FTO: variants seen among roughly 807,000 people sequenced by gnomAD.
The protein encoded by FTO is alpha-ketoglutarate-dependent dioxygenase FTO.
FTO carries 47 observed loss-of-function variants against 63.9 expected under a neutral mutation model. That is an observed-to-expected ratio of 0.74 (90% confidence interval 0.58 to 0.94). The LOEUF (loss-of-function observed/expected upper bound fraction) is 0.94. FTO is among the 40% of genes least tolerant of loss of function. The probability of loss-of-function intolerance (pLI) is 0.00; values close to 1 mark genes in which losing one functional copy is unlikely to be tolerated. For missense variants in FTO, 562 were observed against 618.1 expected (o/e 0.91, Z 0.96); for synonymous variants, 207 against 224.4 (o/e 0.92, Z 0.69).
At chr16:54,058,675 G>A (rs1427440413) in intron 8 of FTO, among the ~76,000 whole-genome samples, 1 of 152,154 alleles carries the variant, frequency 6.6e-6, no homozygotes, top group Non-Finnish European at 1.5e-5. Context: ...ACTGATTTAA[G>A]TGGGGAAAGG....
intron 8 of FTO, among the ~76,000 whole-genome samples, chr16:54,058,255 G>A (rs2085485062): frequency 6.6e-6 from 1 of 152,006 alleles, no homozygotes; most frequent in African/African-American, 2.4e-5. Flanking sequence ...GGGACTACTG[G>A]CACACACCAC....
At chr16:53,903,867 C>A (rs2081467623) in intron 7 of FTO, among the ~76,000 whole-genome samples, 3 of 151,772 alleles carry the variant, frequency 2.0e-5, no homozygotes, top group Admixed American at 6.6e-5. Context: ...TGGTCAAATG[C>A]CTTCCATAGA....
chr16:54,032,576 G>T (rs1383661064), intron 8 of FTO, among the ~76,000 whole-genome samples: 1 of 152,160 alleles, frequency 6.6e-6, no homozygotes, highest in Non-Finnish European at 1.5e-5. Context: ...AAAGGAAAAA[G>T]AATCCAAACA....
chr16:54,105,881 T>A (rs1343593866), intron 8 of FTO, among the ~76,000 whole-genome samples: 1 of 151,964 alleles, frequency 6.6e-6, no homozygotes, highest in Admixed American at 6.6e-5. Flanking sequence ...CTTTATCATT[T>A]CATCAAGAGT....
chr16:54,002,117 C>T (rs1220096859), intron 8 of FTO, among the ~76,000 whole-genome samples: 3 of 152,188 alleles, frequency 2.0e-5, no homozygotes, highest in African/African-American at 7.2e-5. Flanking sequence ...TGTTATAAAG[C>T]TAAATGCATG....
chr16:53,959,822 T>G (rs965975310), intron 8 of FTO, among the ~76,000 whole-genome samples: 3 of 151,942 alleles, frequency 2.0e-5, no homozygotes, highest in African/African-American at 4.8e-5. Flanking sequence ...GCAGGTAGGG[T>G]ACAAGCTGGG....
rs141918344 is a variant in FTO, at chr16:53,868,876, G to C, written c.896-4910G>C. Among the ~76,000 whole-genome samples the C allele has an allele frequency of 2.2e-3, 334 of 151,978 alleles. 2 individuals are homozygous for C. Among genetic ancestry groups the C allele is most frequent in the African/African-American group, 7.7e-3 (318 of 41,424 alleles). On this transcript the variant is annotated intron_variant, in intron 4 of 8. Coordinates refer to ENST00000471389, the MANE Select transcript of FTO (RefSeq NM_001080432.3). The stretch of plus-strand genomic sequence containing the variant: ...AGACAGAGTTTCACTCTGTCTCCCA[G>C]GCTGGAGTGCAGTGGCGTGATCTTG...
intron 8 of FTO, among the ~76,000 whole-genome samples, chr16:54,093,093 GGACA>G (rs1420542614): frequency 5.3e-5 from 1 of 18,808 alleles, no homozygotes; most frequent in African/African-American, 3.4e-4. Flanking sequence ...GTTCCTGGAG[GGACA>G]GGAACACTGT....
intron 8 of FTO, among the ~76,000 whole-genome samples, chr16:53,960,724 G>T (rs1181034549): frequency 6.6e-6 from 1 of 151,322 alleles, no homozygotes; most frequent in African/African-American, 2.5e-5. Flanking sequence ...GGGTGGGGGG[G>T]GCGCGGTTAC....
chr16:54,031,082 A>C (rs1306865317), intron 8 of FTO, among the ~76,000 whole-genome samples: 1 of 152,236 alleles, frequency 6.6e-6, no homozygotes, highest in African/African-American at 2.4e-5. Context: ...GAAAATTCTT[A>C]TATAACCAGT....
chr16:53,755,148 G>A (rs540230879), intron 1 of FTO, among the ~76,000 whole-genome samples: 9 of 152,326 alleles, frequency 5.9e-5, no homozygotes, highest in African/African-American at 9.6e-5. Flanking sequence ...ATGAAAGGCT[G>A]CCCCAACTGG....
chr16:53,881,252 CAT>C (rs1380361202), intron 6 of FTO, among the ~76,000 whole-genome samples: 1 of 152,166 alleles, frequency 6.6e-6, no homozygotes, highest in Non-Finnish European at 1.5e-5. Flanking sequence ...GGCTAGATAA[CAT>C]GTACATATTG....
At chr16:53,909,112 C>T (rs1402554592) in intron 7 of FTO, among the ~76,000 whole-genome samples, 1 of 152,128 alleles carries the variant, frequency 6.6e-6, no homozygotes, top group African/African-American at 2.4e-5. Flanking sequence ...CTAATTGTTC[C>T]ATCCTCTTCC....
chr16:53,707,531 AC>A (rs751530747), intron 1 of FTO, among the ~76,000 whole-genome samples: 2 of 152,116 alleles, frequency 1.3e-5, no homozygotes, highest in African/African-American at 4.8e-5. Context: ...AATGCACTGC[AC>A]CCTTTTACAT....
At chr16:54,063,782 T>G (rs2085650968) in intron 8 of FTO, 1 of 150,372 alleles carries the variant, frequency 6.7e-6, no homozygotes, top group Non-Finnish European at 1.5e-5. Flanking sequence ...ACAGGATGAG[T>G]CCTGTGTCTA....
intron 4 of FTO, among the ~76,000 whole-genome samples, chr16:53,853,466 C>A (rs573387059): frequency 6.6e-6 from 1 of 151,710 alleles, no homozygotes; most frequent in Non-Finnish European, 1.5e-5. Flanking sequence ...CATCCATCAC[C>A]CCCCTCCCAT....
At chr16:53,718,922 A>C (rs2151482359) in intron 1 of FTO, among the ~76,000 whole-genome samples, 1 of 152,328 alleles carries the variant, frequency 6.6e-6, no homozygotes, top group Non-Finnish European at 1.5e-5. Context: ...GTGGTACTCC[A>C]GGGGTTGAGG....
At chr16:53,984,011 G>A (rs965891458) in intron 8 of FTO, among the ~76,000 whole-genome samples, 7 of 152,242 alleles carry the variant, frequency 4.6e-5, no homozygotes, top group African/African-American at 1.7e-4. Context: ...GGTAGAGCCA[G>A]CTGCTTAGTG....
At chr16:53,915,072 T>C (rs2081828407) in intron 7 of FTO, among the ~76,000 whole-genome samples, 2 of 152,172 alleles carry the variant, frequency 1.3e-5, no homozygotes. Flanking sequence ...ACAACAGTTG[T>C]TTAGCTTTTG....
Sources: allele counts gnomAD v4.1 joint callset (sites outside exome capture counted in the v4.1 genomes callset), GRCh38; gene constraint gnomAD v4.1.1; transcripts MANE v1.5; gene names NCBI Gene and HGNC (gene_info 2026-07-23, HGNC 2026-07-21).